The following MYO15A variants were observed in gnomAD, a reference collection of about 807,000 sequenced individuals.
MYO15A encodes the protein unconventional myosin-XV.
A neutral mutation model predicts 394.6 loss-of-function variants in MYO15A; 308 were observed. The ratio of observed to expected loss-of-function variants is 0.78; its 90% CI spans 0.71 to 0.86. MYO15A has a LOEUF of 0.86. Among genes scored for constraint, MYO15A ranks in the 40% least tolerant of loss-of-function variants. The probability of loss-of-function intolerance (pLI) is 0.00; values close to 1 mark genes in which losing one functional copy is unlikely to be tolerated. For synonymous variants in MYO15A, 1,957 were observed against 2,003.8 expected (o/e 0.98, Z 0.62); for missense variants, 4,606 against 4,799.1 (o/e 0.96, Z 1.19).
intron 63 of MYO15A, 146 bp from the exon 64 acceptor site, chr17:18,172,011 G>A (rs1567666822): frequency 7.0e-7 from 1 of 1,420,526 alleles, no homozygotes. Flanking sequence ...GCCATGAGAA[G>A]GGAGGCCAGA....
At chr17:18,110,985 G>C (rs2045712566) in intron 1 of MYO15A, among the ~76,000 whole-genome samples, 1 of 152,216 alleles carries the variant, frequency 6.6e-6, no homozygotes, top group South Asian at 2.1e-4. Context: ...GCAGTGTTTG[G>C]GCATCTGTGG....
chr17:18,146,071 T>C lies in MYO15A; in HGVS notation c.6473T>C (p.Phe2158Ser). 1 of 1,613,910 alleles carries C rather than the reference T, an allele frequency of 6.2e-7. No individual in the cohort carries two copies. Among genetic ancestry groups the C allele is most frequent in the Non-Finnish European group, 8.5e-7 (1 of 1,180,028 alleles). Residue 2158 changes from phenylalanine to serine, a missense_variant, in exon 30 of 66, where the codon TTT (phenylalanine) becomes TCT (serine). Physicochemically the swap from Phe to Ser is radical, Grantham distance 155. Coordinates refer to ENST00000647165, the MANE Select transcript of MYO15A (RefSeq NM_016239.4). Reference sequence around the variant, plus strand: ...CTGCTGGCCGCCTGCCTCAGTGGCTTTGCACCTTCCCCGTGCTTCAACAAG... The same window carrying C: ...CTGCTGGCCGCCTGCCTCAGTGGCTCTGCACCTTCCCCGTGCTTCAACAAG... ...WLLLAACLSGFAPSPCFNKYL... is the reference protein window; with the variant it reads ...WLLLAACLSGSAPSPCFNKYL...
Position 18,117,717 on chromosome 17 carries a change from A to C in MYO15A, c.-219-865A>C, listed in dbSNP as rs1193827991. ...AACCAGACTTTGGACATGCAGCCTT[A>C]GGTCAGGCCATATGAAGCAATCAGC... On this transcript the variant is annotated intron_variant, in intron 1 of 65. Transcript: ENST00000647165. This position sits in a 1 kb window ranked among gnomAD's most constrained non-coding sequence, Gnocchi z 4.1. Among the ~76,000 whole-genome samples the C allele has an allele frequency of 1.3e-5, 2 of 152,204 alleles. No individual in the cohort carries two copies. Among genetic ancestry groups the C allele is most frequent in the Non-Finnish European group, 2.9e-5 (2 of 68,032 alleles).
chr17:18,161,561 A>G (rs1275265613), intron 57 of MYO15A, 114 bp downstream of exon 57: 3 of 1,452,106 alleles, frequency 2.1e-6, no homozygotes, highest in Admixed American at 1.7e-5. Context: ...GTGCTGAGCA[A>G]TGTTTACCAA....
At chr17:18,168,120 C>T (rs749521416) in intron 62 of MYO15A, among the ~76,000 whole-genome samples, 90 of 152,136 alleles carry the variant, frequency 5.9e-4, no homozygotes, top group Non-Finnish European at 2.2e-4. Flanking sequence ...AACAGGGAGT[C>T]GTCAAGTAAA....
rs545645668 is a variant in MYO15A at position 18,155,219 on chromosome 17, C to T, written c.8334C>T (p.Pro2778=). 4.0e-5 allele frequency: 65 copies of T among 1,613,984 alleles called. No individual in the cohort carries two copies. Among genetic ancestry groups the T allele is most frequent in the East Asian group, 2.5e-4 (11 of 44,874 alleles). Residue 2778 remains proline, a synonymous_variant, in exon 46 of 66, where the codon CCC becomes CCT. Transcript: ENST00000647165. ...TWEVYFSRIF[P]ATGSVGTGVQ... ...AGGTCTACTTCTCCCGCATCTTCCCCGCCACGGTGCGAGCCCCTCACTTGC... is the reference window on the plus strand; with the variant it reads ...AGGTCTACTTCTCCCGCATCTTCCCTGCCACGGTGCGAGCCCCTCACTTGC...
chr17:18,138,048 G>T, intron 16 of MYO15A, 67 bp from the exon 17 acceptor site: 2 of 1,554,552 alleles, frequency 1.3e-6, no homozygotes, highest in Admixed American at 1.8e-5. Flanking sequence ...GATTCAACAT[G>T]GGAGGGAGGG....
rs182977390 is a variant in MYO15A at position 18,159,308 on chromosome 17, G to C, written c.9190G>C (p.Asp3064His). The change falls in exon 54 of 66, where the codon GAC (aspartate) becomes CAC (histidine). Residue 3064 changes from aspartate to histidine, a missense_variant. Transcript: ENST00000647165. ...CCAGGAATCCCTCATCGAACTCAGC[G>C]ACAGCAGCCTCAGCAAGATGGCCAC... The part of the protein sequence containing the change: ...PLQESLIELS[D>H]SSLSKMATDM... 206 of 1,614,156 alleles carry C rather than the reference G, an allele frequency of 1.3e-4. 1 individual carries two copies. In the Admixed American group the frequency reaches 1.4e-3, roughly 11 times the overall value.
chr17:18,173,937 A>G lies in MYO15A; in HGVS notation c.10491+16A>G, dbSNP rs763145240. 1.5e-5 allele frequency: 24 copies of G among 1,611,558 alleles called. 1 individual carries two copies. The highest frequency in any genetic ancestry group is 3.4e-4 in the Middle Eastern group (2 of 5,956). ...GCTGGAGCAGGTGGGCCCAGCGCTA[A>G]GTCCAACATTCCACTCACTGGGCCC... On this transcript the variant is annotated intron_variant, in intron 65 of 65. Transcript: ENST00000647165.
Position 18,150,166 on chromosome 17 carries a change from C to A in MYO15A, c.7213-263C>A, listed in dbSNP as rs942394560. On this transcript the variant is annotated intron_variant, in intron 35 of 65. Coordinates refer to ENST00000647165, the MANE Select transcript of MYO15A (RefSeq NM_016239.4). This position sits in a 1 kb window ranked among gnomAD's most constrained non-coding sequence, Gnocchi z 4.4. ...CCACTGCCCCTGGCATGATATGCAG[C>A]CCTGAGCAGGGCACAACCCCTCCTT... Among the ~76,000 whole-genome samples the A allele has an allele frequency of 6.6e-6, 1 of 152,126 alleles. No homozygotes were observed. Among genetic ancestry groups the A allele is most frequent in the Non-Finnish European group, 1.5e-5 (1 of 68,016 alleles).
At chr17:18,156,076 C>A (rs988841671) in intron 47 of MYO15A, 119 bp from the exon 48 acceptor site, 2 of 1,515,476 alleles carry the variant, frequency 1.3e-6, no homozygotes, top group South Asian at 1.2e-5. Flanking sequence ...GGAGCTGGCA[C>A]AATGGGGCCA....
chr17:18,120,151 C>A lies in MYO15A; in HGVS notation c.1351C>A (p.Arg451Ser), dbSNP rs1391507384. 6.2e-7 allele frequency: 1 copy of A among 1,612,814 alleles called. No individual in the cohort carries two copies. Among genetic ancestry groups the A allele is most frequent in the East Asian group, 2.2e-5 (1 of 44,882 alleles). The change falls in exon 2 of 66, where the codon CGC becomes AGC. Residue 451 changes from arginine (R) to serine (S), a missense_variant. Coordinates refer to ENST00000647165, the MANE Select transcript of MYO15A (RefSeq NM_016239.4). ...AGVERQGTSFRLPSAAFFEQQ... is the reference protein window; with the variant it reads ...AGVERQGTSFSLPSAAFFEQQ... The stretch of plus-strand genomic sequence containing the variant: ...CGTAGAGCGTCAGGGGACCTCCTTC[C>A]GCCTGCCCAGCGCCGCCTTCTTCGA...
chr17:18,143,308 T>C (rs954662317), intron 25 of MYO15A, among the ~76,000 whole-genome samples: 1 of 152,164 alleles, frequency 6.6e-6, no homozygotes, highest in African/African-American at 2.4e-5. Flanking sequence ...AAATCCTCCT[T>C]GTGTGTCTCT....
chr17:18,171,681 A>G lies in MYO15A; in HGVS notation c.10126A>G (p.Thr3376Ala). 2 of 1,613,502 alleles carry G rather than the reference A, an allele frequency of 1.2e-6. No homozygotes were observed. The highest frequency in any genetic ancestry group is 1.7e-6 in the Non-Finnish European group (2 of 1,180,014). Residue 3376 changes from threonine (T) to alanine (A), a missense_variant, in exon 63 of 66, where the codon ACG (threonine) becomes GCG (alanine). Physicochemically the swap from Thr to Ala is moderately conservative, Grantham distance 58. Around this residue, in one of 2 missense-constraint regions of MYO15A, gnomAD observed 2,776 missense variants for 3,109.3 expected, o/e 0.89. Transcript: ENST00000647165. ...CATCCCAGCCCAGCTCTACCGTACA[A>G]CGGCAGGCTCGACCTGGCTCAACCT... ...EYIPAQLYRT[T>A]AGSTWLNLVS...
In MYO15A at chr17:18,159,213, G is replaced by A. The variant is rs886666552; in HGVS notation, c.9157-62G>A. On this transcript the variant is annotated intron_variant, in intron 53 of 65. Coordinates refer to ENST00000647165, the MANE Select transcript of MYO15A (RefSeq NM_016239.4). Reference sequence around the variant, plus strand: ...TTATCATATGGCCTTGGAACACAATGTGTCCCCTTTCTGTTCTGACGTGTC... The same window carrying A: ...TTATCATATGGCCTTGGAACACAATATGTCCCCTTTCTGTTCTGACGTGTC... 6.9e-6 allele frequency: 11 copies of A among 1,585,420 alleles called. No homozygotes were observed. In the Admixed American group the frequency reaches 1.3e-4, roughly 19 times the overall value.
chr17:18,158,114 T>G (rs959731081), intron 51 of MYO15A, among the ~76,000 whole-genome samples: 2 of 151,376 alleles, frequency 1.3e-5, no homozygotes, highest in Non-Finnish European at 2.9e-5. Context: ...TGTGGCCAAA[T>G]GGGGTAGGGA....
chr17:18,156,047 G>A, intron 47 of MYO15A, 148 bp from the exon 48 acceptor site: 1 of 1,242,340 alleles, frequency 8.0e-7, no homozygotes, highest in Non-Finnish European at 1.1e-6. Context: ...AGGGGAAGCA[G>A]GAAGCTTAGG....
rs1567618693 is a variant in MYO15A, at chr17:18,119,254, G to C, written c.454G>C (p.Glu152Gln). Residue 152 changes from glutamate to glutamine, a missense_variant, in exon 2 of 66, where the codon GAA becomes CAA. Transcript: ENST00000647165. Reference sequence around the variant, plus strand: ...CAAGAAGGCCGAGGAGTCGGGCAGCGAACAGGCCACAGTGGACGCCTGGCT... The same window carrying C: ...CAAGAAGGCCGAGGAGTCGGGCAGCCAACAGGCCACAGTGGACGCCTGGCT... ...LLKKAEESGS[E>Q]QATVDAWLQR... 3.1e-6 allele frequency: 5 copies of C among 1,612,348 alleles called. No individual in the cohort carries two copies. The highest frequency in any genetic ancestry group is 2.5e-6 in the Non-Finnish European group (3 of 1,179,886).
intron 4 of MYO15A, 185 bp downstream of exon 4, chr17:18,125,416 C>G: frequency 1.6e-6 from 1 of 644,580 alleles, no homozygotes; most frequent in South Asian, 1.7e-5. Context: ...ATGCCAGAGG[C>G]CGGGCACAGT....
Sources: gnomAD v4.1 joint callset for allele counts (sites outside exome capture counted in the v4.1 genomes callset) on GRCh38, gnomAD v4.1.1 for gene constraint, gnomAD v4.1.1 regional missense constraint, Gnocchi (gnomAD v3.1) non-coding constraint, MANE v1.5 for transcripts, NCBI Gene and HGNC (gene_info 2026-07-23, HGNC 2026-07-21) for gene names.